The following JAZF1 variants were observed in gnomAD, a reference collection of about 807,000 sequenced individuals.
JAZF1 encodes the protein juxtaposed with another zinc finger protein 1.
JAZF1 carries 8 observed loss-of-function variants against 26.4 expected under a neutral mutation model. That is an observed-to-expected ratio of 0.30 (90% CI 0.18 to 0.55). The LOEUF (loss-of-function observed/expected upper bound fraction) is 0.55. Ranked by LOEUF, JAZF1 falls within the 20% of genes least tolerant of loss-of-function variation. The probability of loss-of-function intolerance (pLI) is 0.94; values close to 1 mark genes in which losing one functional copy is unlikely to be tolerated. For missense variants in JAZF1, 199 were observed against 322.0 expected, an observed-to-expected ratio of 0.62 and a Z score of 2.92; for synonymous variants, 126 against 122.3, an observed-to-expected ratio of 1.03 and a Z score of -0.20.
intron 1 of JAZF1, among the ~76,000 whole-genome samples, chr7:27,993,283 G>A (rs10231415): frequency 0.069 from 10,448 of 152,154 alleles, 1,228 homozygotes; most frequent in African/African-American, 0.24. Flanking sequence ...CCATCAAGTC[G>A]GGTCTGAAGG....
intron 1 of JAZF1, among the ~76,000 whole-genome samples, chr7:28,077,770 T>C (rs1001666739): frequency 1.3e-5 from 2 of 152,204 alleles, no homozygotes; most frequent in African/African-American, 2.4e-5. Context: ...CTTCTGCCTT[T>C]ACTGTATTCT....
intron 1 of JAZF1, among the ~76,000 whole-genome samples, chr7:28,096,716 G>A (rs1017662041): frequency 6.6e-6 from 1 of 151,724 alleles, no homozygotes. Context: ...TTCTCAAATT[G>A]CATCTATATC....
At chr7:27,848,258 T>C (rs1783064762) in intron 3 of JAZF1, among the ~76,000 whole-genome samples, 1 of 152,244 alleles carries the variant, frequency 6.6e-6, no homozygotes, top group African/African-American at 2.4e-5. Context: ...TAGTTGTCAG[T>C]GTACAAATCT....
At chr7:27,900,712 A>T (rs2128343003) in intron 2 of JAZF1, among the ~76,000 whole-genome samples, 1 of 152,358 alleles carries the variant, frequency 6.6e-6, no homozygotes, top group South Asian at 2.1e-4. Flanking sequence ...CTTCTTTTTT[A>T]AAATTGTAAA....
intron 3 of JAZF1, among the ~76,000 whole-genome samples, chr7:27,865,643 T>C (rs558428331): frequency 7.3e-4 from 111 of 151,448 alleles, no homozygotes; most frequent in Middle Eastern, 3.4e-3. Context: ...TTGGCGACCA[T>C]CGACAAGATG....
At chr7:28,074,361 T>C (rs915721096) in intron 1 of JAZF1, among the ~76,000 whole-genome samples, 3 of 152,182 alleles carry the variant, frequency 2.0e-5, no homozygotes, top group African/African-American at 4.8e-5. Flanking sequence ...TTTAATATTA[T>C]GCACAACACC....
chr7:27,886,457 G>T (rs1403331108), intron 3 of JAZF1, among the ~76,000 whole-genome samples: 2 of 152,156 alleles, frequency 1.3e-5, no homozygotes, highest in Admixed American at 6.5e-5. Flanking sequence ...AAAATTGTTT[G>T]CCCAAATCAC....
At chr7:28,043,534 T>G (rs1408691025) in intron 1 of JAZF1, among the ~76,000 whole-genome samples, 1 of 152,136 alleles carries the variant, frequency 6.6e-6, no homozygotes, top group African/African-American at 2.4e-5. Flanking sequence ...ACACTGTGAG[T>G]TAAACGTTGC....
At chr7:28,074,528 G>C (rs534354012) in intron 1 of JAZF1, among the ~76,000 whole-genome samples, 1 of 152,246 alleles carries the variant, frequency 6.6e-6, no homozygotes, top group South Asian at 2.1e-4. Context: ...CATACATACA[G>C]AGTCCTAGTT....
rs1368873651 is a variant in JAZF1 at position 27,979,405 on chromosome 7, T to TTTTTTTTTTC, written c.188+12503_188+12504insGAAAAAAAAA. Among the ~76,000 whole-genome samples, 25 of 84,246 alleles carry TTTTTTTTTTC rather than the reference T, an allele frequency of 3.0e-4. 5 individuals are homozygous for TTTTTTTTTTC. The East Asian group carries it at 7.0e-3, about 24-fold the overall frequency. The allele number at this position is 84,246 out of a possible 152,430, so 55.3% of individuals were successfully genotyped here. Reference sequence around the variant, plus strand: ...TTTTTTTTTTTTTTTTTTTTTTTTTTAGAAACAGAGTCTTGTTCTATCACC... The same window carrying TTTTTTTTTTC: ...TTTTTTTTTTTTTTTTTTTTTTTTTTTTTTTTTTTCAGAAACAGAGTCTTGTTCTATCACC... On this transcript the variant is annotated intron_variant, in intron 2 of 4. Coordinates refer to ENST00000283928, the MANE Select transcript of JAZF1 (RefSeq NM_175061.4).
Position 28,116,457 on chromosome 7 carries a change from T to C in JAZF1, c.115+64006A>G, listed in dbSNP as rs191283957. Among the ~76,000 whole-genome samples the C allele has an allele frequency of 3.5e-3, 532 of 152,274 alleles. 3 individuals carry two copies. Among genetic ancestry groups the C allele is most frequent in the African/African-American group, 0.012 (503 of 41,564 alleles). ...AATGTATTTCTTTCTCTCTCTCTCTTTTTTTCAGACAGAGTCTCGCCCTGT... is the reference window on the plus strand; with the variant it reads ...AATGTATTTCTTTCTCTCTCTCTCTCTTTTTCAGACAGAGTCTCGCCCTGT... On this transcript the variant is annotated intron_variant, in intron 1 of 4. Transcript: ENST00000283928.
At chr7:27,878,882 T>C (rs911895982) in intron 3 of JAZF1, among the ~76,000 whole-genome samples, 1 of 152,232 alleles carries the variant, frequency 6.6e-6, no homozygotes, top group Non-Finnish European at 1.5e-5. Context: ...CAACAACTAC[T>C]GAAATGGTTT....
chr7:28,099,205 C>T (rs941939496), intron 1 of JAZF1, among the ~76,000 whole-genome samples: 13 of 152,166 alleles, frequency 8.5e-5, no homozygotes, highest in African/African-American at 3.1e-4. Flanking sequence ...AGTATCTTGT[C>T]TCTTATGATG....
intron 1 of JAZF1, among the ~76,000 whole-genome samples, chr7:28,015,337 G>C (rs1455590263): frequency 6.6e-6 from 1 of 151,974 alleles, no homozygotes; most frequent in Admixed American, 6.6e-5. Flanking sequence ...TGACATTAGG[G>C]GAAAACGAAG....
intron 1 of JAZF1, among the ~76,000 whole-genome samples, chr7:28,165,100 C>T (rs984461173): frequency 1.3e-5 from 2 of 152,024 alleles, no homozygotes; most frequent in South Asian, 2.1e-4. Context: ...GCCGGAGAGG[C>T]GGAGGCTGCA....
intron 1 of JAZF1, among the ~76,000 whole-genome samples, chr7:28,173,100 C>A (rs1030373587): frequency 1.3e-5 from 2 of 152,226 alleles, no homozygotes; most frequent in African/African-American, 2.4e-5. Flanking sequence ...CTGGAAAGTG[C>A]TGGGTGGGCC....
intron 1 of JAZF1, among the ~76,000 whole-genome samples, chr7:28,068,423 G>A (rs1399424485): frequency 6.6e-6 from 1 of 152,080 alleles, no homozygotes. Context: ...CAATCCTCTT[G>A]TCGTATCAAT....
At chr7:27,852,564 T>C (rs1423060379) in intron 3 of JAZF1, among the ~76,000 whole-genome samples, 5 of 152,194 alleles carry the variant, frequency 3.3e-5, no homozygotes, top group East Asian at 1.9e-4. Context: ...TCAGGTCCTC[T>C]TTCTACCTGT....
At chr7:28,179,875 G>A (rs1783610209) in intron 1 of JAZF1, among the ~76,000 whole-genome samples, 1 of 144,738 alleles carries the variant, frequency 6.9e-6, no homozygotes, top group East Asian at 2.0e-4. Context: ...GCGGCGGCGG[G>A]AGGAGGAAGC....
Sources: allele counts gnomAD v4.1 joint callset (sites outside exome capture counted in the v4.1 genomes callset), GRCh38; gene constraint gnomAD v4.1.1; transcripts MANE v1.5; gene names NCBI Gene and HGNC (gene_info 2026-07-23, HGNC 2026-07-21).